The following PDE4D variants were observed in gnomAD, a reference collection of about 807,000 sequenced individuals.
The protein encoded by PDE4D is phosphodiesterase 4D.
PDE4D carries 24 observed loss-of-function variants against 87.4 expected under a neutral mutation model. The ratio of observed to expected loss-of-function variants is 0.27; its 90% CI spans 0.20 to 0.39. The LOEUF is 0.39. Among genes scored for constraint, PDE4D ranks in the 10% least tolerant of loss-of-function variants. PDE4D has a pLI of 1.00. For missense variants in PDE4D, 714 were observed against 1,041.0 expected (o/e 0.69, Z 4.32); for synonymous variants, 384 against 383.2 (o/e 1.00, Z -0.02).
At chr5:60,201,333 TA>T in intron 1 of PDE4D, among the ~76,000 whole-genome samples, 1 of 151,882 alleles carries the variant, frequency 6.6e-6, no homozygotes. Flanking sequence ...ACACACAACT[TA>T]AAAACTAGGC....
intron 1 of PDE4D, among the ~76,000 whole-genome samples, chr5:59,626,497 T>A (rs73099671): frequency 0.018 from 2,802 of 152,310 alleles, 84 homozygotes; most frequent in African/African-American, 0.063. Context: ...ATTTCTTAAT[T>A]TGGAAATTCT....
chr5:59,914,866 G>GGTGTGTGTGTGTGTGTGT lies in PDE4D; in HGVS notation c.272+73604_272+73621dup, dbSNP rs3062699. On this transcript the variant is annotated intron_variant, in intron 3 of 16. Coordinates refer to the PDE4D transcript ENST00000502484. Reference sequence around the variant, plus strand: ...GGCTTGGTTATAATTTACTGATAGGGGTGTGTGTGTGTGTGTGTGTGTGTG... The same window carrying GGTGTGTGTGTGTGTGTGT: ...GGCTTGGTTATAATTTACTGATAGGGGTGTGTGTGTGTGTGTGTGTGTGTGTGTGTGTGTGTGTGTGTG... Among the ~76,000 whole-genome samples, 89 of 122,610 alleles carry GGTGTGTGTGTGTGTGTGT rather than the reference G, an allele frequency of 7.3e-4. 1 individual carries two copies. The highest frequency in any genetic ancestry group is 1.1e-3 in the Non-Finnish European group (64 of 59,668). The allele number at this position is 122,610 out of a possible 152,430, so 80.4% of individuals were successfully genotyped here.
chr5:59,295,802 C>T (rs965477960), intron 1 of PDE4D, among the ~76,000 whole-genome samples: 16 of 149,652 alleles, frequency 1.1e-4, no homozygotes, highest in African/African-American at 4.0e-4. Context: ...AGAAATCAGG[C>T]TGGTGGTGTT....
At chr5:59,812,219 A>T (rs1485931506) in intron 1 of PDE4D, among the ~76,000 whole-genome samples, 1 of 152,108 alleles carries the variant, frequency 6.6e-6, no homozygotes. Flanking sequence ...CACGTCTGAA[A>T]CCTGAAAGGC....
At chr5:59,699,743 C>G (rs1752292541) in intron 1 of PDE4D, among the ~76,000 whole-genome samples, 1 of 152,058 alleles carries the variant, frequency 6.6e-6, no homozygotes, top group Non-Finnish European at 1.5e-5. Flanking sequence ...ACTTAAGAAC[C>G]AATAATATAA....
chr5:60,338,422 A>G (rs980304624), intron 1 of PDE4D, among the ~76,000 whole-genome samples: 1 of 152,182 alleles, frequency 6.6e-6, no homozygotes, highest in Non-Finnish European at 1.5e-5. Context: ...AATGGGCGCC[A>G]CCACTGACAC....
At chr5:59,732,998 A>C (rs1757591828) in intron 1 of PDE4D, among the ~76,000 whole-genome samples, 1 of 152,168 alleles carries the variant, frequency 6.6e-6, no homozygotes, top group African/African-American at 2.4e-5. Context: ...ATATGATAGT[A>C]ATGTTCTGTA....
At chr5:60,037,766 G>A (rs1294940995) in intron 2 of PDE4D, among the ~76,000 whole-genome samples, 1 of 152,080 alleles carries the variant, frequency 6.6e-6, no homozygotes, top group South Asian at 2.1e-4. Flanking sequence ...GAAATCAAAG[G>A]TAGTTCTGAA....
chr5:60,382,074 T>TA (rs1218344743), intron 1 of PDE4D, among the ~76,000 whole-genome samples: 1 of 152,198 alleles, frequency 6.6e-6, no homozygotes, highest in Admixed American at 6.5e-5. Flanking sequence ...AATAACATTT[T>TA]AAAATCAGCT....
In PDE4D at chr5:60,208,831, C is replaced by T. The variant is rs146368124; in HGVS notation, c.-89-23144G>A. On this transcript the variant is annotated intron_variant, in intron 1 of 16. Transcript: ENST00000502484. ...TTGAGAACCGTTATCCTAGACCTGA[C>T]GGGACACTATCCAGCATGCAGAAGT... 1.1e-4 allele frequency among the ~76,000 whole-genome samples: 17 copies of T among 152,218 alleles called. No homozygotes were observed. The East Asian group carries it at 2.7e-3, about 24-fold the overall frequency.
intron 1 of PDE4D, among the ~76,000 whole-genome samples, chr5:59,312,844 C>A (rs1772961070): frequency 2.0e-5 from 3 of 152,134 alleles, no homozygotes. Context: ...TACAAGCCCA[C>A]CAGCCCCCTC....
At chr5:59,845,865 C>A (rs879573943) in intron 1 of PDE4D, among the ~76,000 whole-genome samples, 3 of 152,018 alleles carry the variant, frequency 2.0e-5, no homozygotes, top group Non-Finnish European at 4.4e-5. Flanking sequence ...ACACACAGTT[C>A]TTTTCCCTGG....
At position 59,200,673 on chromosome 5, in the gene PDE4D, A is replaced by C. The variant is rs796825990; in HGVS notation, c.648-7137T>G. Among the ~76,000 whole-genome samples, 9 of 116,582 alleles carry C rather than the reference A, an allele frequency of 7.7e-5. 2 individuals are homozygous for C. The highest frequency in any genetic ancestry group is 2.3e-4 in the African/African-American group (7 of 30,450). The allele number at this position is 116,582 out of a possible 152,430, so 76.5% of individuals were successfully genotyped here. A position where few individuals can be genotyped will look rare whatever the true frequency, so the allele number is the denominator to read the frequency against. ...TATACATACATATGTGTATGTATAG[A>C]TACACGTATACATACATATGTGTAT... On this transcript the variant is annotated intron_variant, in intron 2 of 14. Coordinates refer to ENST00000340635, the MANE Select transcript of PDE4D (RefSeq NM_001104631.2).
chr5:60,473,117 GAGAAAGAAAGGAAGGAAGGAAGGAAGGA>G (rs1561294032), intron 1 of PDE4D, among the ~76,000 whole-genome samples: 21 of 81,050 alleles, frequency 2.6e-4, no homozygotes, highest in African/African-American at 1.4e-3. Context: ...AAGAGAGAGA[GAGAAAGAAAGGAAGGAAGGAAGGAAGGA>G]AGGAAGGAAG....
intron 1 of PDE4D, among the ~76,000 whole-genome samples, chr5:59,817,843 C>A (rs1769175390): frequency 6.6e-6 from 1 of 151,588 alleles, no homozygotes; most frequent in African/African-American, 2.4e-5. Flanking sequence ...CTGAACCAAG[C>A]TGGCACACTG....
chr5:59,934,549 T>C (rs1756350995), intron 3 of PDE4D, among the ~76,000 whole-genome samples: 1 of 152,180 alleles, frequency 6.6e-6, no homozygotes, highest in African/African-American at 2.4e-5. Flanking sequence ...GGAGGAATAA[T>C]GGAGAAGAGA....
At position 59,610,609 on chromosome 5, in the gene PDE4D, G is replaced by C. The variant is rs192187150; in HGVS notation, c.455+282559C>G. On this transcript the variant is annotated intron_variant, in intron 1 of 14. Transcript: ENST00000340635. Reference sequence around the variant, plus strand: ...TCAAAGCTTAGTGGCTTACAATTCAGTGCAAAAAGACATGGGCAATGAAGC... The same window carrying C: ...TCAAAGCTTAGTGGCTTACAATTCACTGCAAAAAGACATGGGCAATGAAGC... 2.0e-4 allele frequency among the ~76,000 whole-genome samples: 30 copies of C among 152,240 alleles called. No homozygotes were observed. The East Asian group carries it at 5.0e-3, about 25-fold the overall frequency.
chr5:59,385,536 G>A (rs1786796673), intron 1 of PDE4D, among the ~76,000 whole-genome samples: 1 of 151,996 alleles, frequency 6.6e-6, no homozygotes, highest in Non-Finnish European at 1.5e-5. Context: ...AGGAGGCAAG[G>A]TTTCAGCATT....
chr5:59,671,731 C>T (rs1372912646), intron 1 of PDE4D, among the ~76,000 whole-genome samples: 1 of 151,316 alleles, frequency 6.6e-6, no homozygotes, highest in Non-Finnish European at 1.5e-5. Context: ...TCACTGGAGC[C>T]CAGCAAGTAG....
Sources: gnomAD v4.1 joint callset for allele counts (sites outside exome capture counted in the v4.1 genomes callset) on GRCh38, gnomAD v4.1.1 for gene constraint, MANE v1.5 for transcripts, NCBI Gene and HGNC (gene_info 2026-07-23, HGNC 2026-07-21) for gene names.